Variants in ARL14EPL observed in about 807,000 individuals in gnomAD.
ARL14EPL encodes ARF like GTPase 14 effector protein like.
In ARL14EPL, 17 loss-of-function variants were observed where a neutral mutation model predicts 15.9. The observed-to-expected ratio is 1.07, with a 90% CI of 0.73 to 1.60. The LOEUF (loss-of-function observed/expected upper bound fraction) is 1.60. Among genes scored for constraint, ARL14EPL ranks in the 40% most tolerant of loss-of-function variants. ARL14EPL has a pLI of 0.00. For synonymous variants in ARL14EPL, 78 were observed against 63.8 expected (o/e 1.22, Z -1.06); for missense variants, 214 against 185.9 (o/e 1.15, Z -0.88).
chr5:116,045,747 T>A (rs866944356), intron 1 of ARL14EPL, among the ~76,000 whole-genome samples: 6 of 26,358 alleles, frequency 2.3e-4, no homozygotes, highest in African/African-American at 1.2e-3. Context: ...CCCACAGAAG[T>A]GTGTGTGTGT....
chr5:116,032,748 A>G (rs1378622048), intron 1 of ARL14EPL, among the ~76,000 whole-genome samples: 2 of 152,192 alleles, frequency 1.3e-5, no homozygotes, highest in Non-Finnish European at 2.9e-5. Flanking sequence ...AAGGTAGCAT[A>G]TAATTCCTGA....
intron 1 of ARL14EPL, among the ~76,000 whole-genome samples, chr5:116,050,147 ATTTC>A (rs1219448731): frequency 9.9e-5 from 15 of 152,258 alleles, no homozygotes; most frequent in African/African-American, 3.6e-4. Flanking sequence ...TGAATATTTT[ATTTC>A]TTTCAAGTTT....
chr5:116,038,665 A>C (rs1749092818), intron 1 of ARL14EPL, among the ~76,000 whole-genome samples: 1 of 151,524 alleles, frequency 6.6e-6, no homozygotes, highest in African/African-American at 2.4e-5. Context: ...CAAGGCAGGG[A>C]AACCAGGTTA....
chr5:116,038,632 G>A (rs1428832300), intron 1 of ARL14EPL, among the ~76,000 whole-genome samples: 12 of 141,272 alleles, frequency 8.5e-5, no homozygotes, highest in Admixed American at 6.6e-4. Flanking sequence ...CTTCAGTAGC[G>A]AAGTGTGGAG....
intron 1 of ARL14EPL, among the ~76,000 whole-genome samples, chr5:116,047,170 A>T (rs889952513): frequency 6.6e-6 from 1 of 152,226 alleles, no homozygotes. Context: ...TAATATAGTG[A>T]CTTTCTTCAG....
chr5:116,041,301 C>G (rs1160829143), intron 1 of ARL14EPL, among the ~76,000 whole-genome samples: 1 of 152,044 alleles, frequency 6.6e-6, no homozygotes, highest in African/African-American at 2.4e-5. Context: ...ACTTTCACTG[C>G]TTTATTATTA....
chr5:116,042,376 G>A (rs140752299), intron 1 of ARL14EPL, among the ~76,000 whole-genome samples: 162 of 152,300 alleles, frequency 1.1e-3, no homozygotes, highest in African/African-American at 3.8e-3. Context: ...AGTGTGGATA[G>A]ATACCCTTGA....
In ARL14EPL at chr5:116,048,404, C is replaced by T. The variant is rs192061963; in HGVS notation, c.-9-3053C>T. On this transcript the variant is annotated intron_variant, in intron 1 of 3. Coordinates refer to ENST00000686077, the MANE Select transcript of ARL14EPL (RefSeq NM_001195581.2). ...GCAGTAGGTTCTCCCTGCCTTTTGG[C>T]AGTTCTTAATCTTATTTTTGTGTCA... Among the ~76,000 whole-genome samples, 56 of 152,194 alleles carry T rather than the reference C, an allele frequency of 3.7e-4. 1 individual carries two copies. The highest frequency in any genetic ancestry group is 1.2e-3 in the Admixed American group (18 of 15,272).
At chr5:116,057,315 T>G (rs147361299) in intron 3 of ARL14EPL, among the ~76,000 whole-genome samples, 1 of 152,152 alleles carries the variant, frequency 6.6e-6, no homozygotes, top group Non-Finnish European at 1.5e-5. Context: ...AACACTCTTT[T>G]GTTAAGCTGG....
Position 116,059,148 on chromosome 5 carries a change from A to T in ARL14EPL, c.*201A>T. 1.7e-6 allele frequency: 1 copy of T among 583,408 alleles called. No homozygotes were observed. Among genetic ancestry groups the T allele is most frequent in the Non-Finnish European group, 3.0e-6 (1 of 331,488 alleles). The allele number at this position is 583,408 out of a possible 1,614,324, so 36.1% of individuals were successfully genotyped here. ...GTGTCAACAATTTTCAAGTCCCTTA[A>T]CTTGCAACCAAAGAATGTAACAATG... On this transcript the variant is annotated 3_prime_UTR_variant, in exon 4 of 4. Coordinates refer to ENST00000686077, the MANE Select transcript of ARL14EPL (RefSeq NM_001195581.2).
rs1461987005 is a variant in ARL14EPL at position 116,054,068 on chromosome 5, G to T, written c.151G>T (p.Val51Leu). Reference protein sequence around the residue: ...CLAFRNPGPQVADFNPETRQQ... With the variant: ...CLAFRNPGPQLADFNPETRQQ... Reference sequence around the variant, plus strand: ...GGCATTTCGAAACCCTGGACCACAGGTAGCAGACTTTAATCCTGAAACAAG... The same window carrying T: ...GGCATTTCGAAACCCTGGACCACAGTTAGCAGACTTTAATCCTGAAACAAG... The change falls in exon 3 of 4, where the codon GTA becomes TTA. Residue 51 changes from valine to leucine, a missense_variant. Physicochemically the swap from Val to Leu is conservative, Grantham distance 32 (BLOSUM62 1). Coordinates refer to ENST00000686077, the MANE Select transcript of ARL14EPL (RefSeq NM_001195581.2). 2.0e-6 allele frequency: 3 copies of T among 1,535,596 alleles called. No individual in the cohort carries two copies. Among genetic ancestry groups the T allele is most frequent in the African/African-American group, 2.7e-5 (2 of 73,030 alleles).
chr5:116,043,792 A>G (rs914042335), intron 1 of ARL14EPL, among the ~76,000 whole-genome samples: 1 of 152,122 alleles, frequency 6.6e-6, no homozygotes, highest in African/African-American at 2.4e-5. Context: ...TCTTTTGGAA[A>G]ATTTTCCTCT....
At chr5:116,040,018 A>G (rs1489525785) in intron 1 of ARL14EPL, among the ~76,000 whole-genome samples, 1 of 152,204 alleles carries the variant, frequency 6.6e-6, no homozygotes, top group African/African-American at 2.4e-5. Flanking sequence ...ACTACTTCAT[A>G]TCACATTATT....
At chr5:116,036,240 GT>G (rs955292738) in intron 1 of ARL14EPL, among the ~76,000 whole-genome samples, 4 of 152,114 alleles carry the variant, frequency 2.6e-5, no homozygotes, top group African/African-American at 4.8e-5. Flanking sequence ...TCACCTTTGG[GT>G]TTTCCTTTTA....
At chr5:116,042,797 C>T (rs2112670776) in intron 1 of ARL14EPL, among the ~76,000 whole-genome samples, 1 of 152,314 alleles carries the variant, frequency 6.6e-6, no homozygotes, top group Admixed American at 6.5e-5. Flanking sequence ...TATAGAACTT[C>T]TTAAAATTAC....
chr5:116,047,331 A>G (rs1373751852), intron 1 of ARL14EPL, among the ~76,000 whole-genome samples: 1 of 152,214 alleles, frequency 6.6e-6, no homozygotes, highest in Non-Finnish European at 1.5e-5. Context: ...TTCCTTCCCC[A>G]GGCTTCTGTG....
In ARL14EPL at chr5:116,051,446, T is replaced by C; in HGVS notation, c.-9-11T>C. 6.8e-7 allele frequency: 1 copy of C among 1,481,076 alleles called. No individual in the cohort carries two copies. The highest frequency in any genetic ancestry group is 9.1e-7 in the Non-Finnish European group (1 of 1,099,652). The allele number at this position is 1,481,076 out of a possible 1,614,324, so 91.7% of individuals were successfully genotyped here. A position where few individuals can be genotyped will look rare whatever the true frequency, so the allele number is the denominator to read the frequency against. On this transcript the variant is annotated splice_polypyrimidine_tract_variant and intron_variant, in intron 1 of 3. Coordinates refer to ENST00000686077, the MANE Select transcript of ARL14EPL (RefSeq NM_001195581.2). ...ATTAATATGTTTTACTTTTTCCAAT[T>C]ACTTTTTAAGTGATCAGAGATGAAT...
chr5:116,033,257 A>G (rs1038531893), intron 1 of ARL14EPL, among the ~76,000 whole-genome samples: 2 of 152,318 alleles, frequency 1.3e-5, no homozygotes, highest in South Asian at 2.1e-4. Context: ...AGTGATACAA[A>G]TTCAATAGTA....
At chr5:116,051,693 C>G (rs979985766) in intron 2 of ARL14EPL, 132 bp downstream of exon 2, 1 of 794,080 alleles carries the variant, frequency 1.3e-6, no homozygotes, top group Admixed American at 2.8e-5. Context: ...GCCGCCCAGG[C>G]TGATAGAGCT....
Sources: gnomAD v4.1 joint callset for allele counts (sites outside exome capture counted in the v4.1 genomes callset) on GRCh38, gnomAD v4.1.1 for gene constraint, MANE v1.5 for transcripts, NCBI Gene and HGNC (gene_info 2026-07-23, HGNC 2026-07-21) for gene names.